Variants in THSD4 observed in about 807,000 individuals in gnomAD.
THSD4 encodes the protein thrombospondin type-1 domain-containing protein 4.
THSD4 carries 69 observed loss-of-function variants against 119.0 expected under a neutral mutation model. That is an observed-to-expected ratio of 0.58 (90% CI 0.48 to 0.71). The LOEUF (loss-of-function observed/expected upper bound fraction) is 0.71. Ranked by LOEUF, THSD4 falls within the 30% of genes least tolerant of loss-of-function variation. The pLI, the probability that THSD4 is intolerant of heterozygous loss-of-function variation, is 0.00. For missense variants in THSD4, 1,393 were observed against 1,391.1 expected, an observed-to-expected ratio of 1.00 and a Z score of -0.02; for synonymous variants, 524 against 540.4, an observed-to-expected ratio of 0.97 and a Z score of 0.42.
chr15:71,379,072 C>T (rs76729894), intron 6 of THSD4, among the ~76,000 whole-genome samples: 7,541 of 152,282 alleles, frequency 0.05, 216 homozygotes, highest in African/African-American at 0.079. Context: ...GCATGAGCCA[C>T]CATGCCCGGC....
intron 4 of THSD4, among the ~76,000 whole-genome samples, chr15:71,230,410 T>C (rs1038879053): frequency 2.8e-4 from 43 of 152,212 alleles, no homozygotes; most frequent in African/African-American, 9.6e-4. Flanking sequence ...TTCGCACATA[T>C]CACATTGGAG....
chr15:71,705,000 A>G (rs150984611), intron 8 of THSD4, among the ~76,000 whole-genome samples: 1 of 152,340 alleles, frequency 6.6e-6, no homozygotes, highest in African/African-American at 2.4e-5. Flanking sequence ...ATATGAAGTG[A>G]TCAAGGGTGG....
intron 8 of THSD4, among the ~76,000 whole-genome samples, chr15:71,671,741 A>G (rs2141014728): frequency 6.6e-6 from 1 of 152,298 alleles, no homozygotes; most frequent in South Asian, 2.1e-4. Flanking sequence ...TAAATAGGGA[A>G]TCCTTTCCCC....
At chr15:71,685,000 G>A (rs1324866012) in intron 8 of THSD4, among the ~76,000 whole-genome samples, 1 of 152,128 alleles carries the variant, frequency 6.6e-6, no homozygotes, top group Non-Finnish European at 1.5e-5. Context: ...AATTTCAAAT[G>A]TAGTATAGAA....
chr15:71,728,498 C>T (rs772093755), intron 8 of THSD4, 51 bp from the exon 9 acceptor site: 5 of 1,596,202 alleles, frequency 3.1e-6, no homozygotes, highest in Non-Finnish European at 4.3e-6. Context: ...AGTTCTGTTT[C>T]TTGTGCACAC....
chr15:71,278,917 G>A (rs143294348), intron 6 of THSD4, among the ~76,000 whole-genome samples: 2 of 152,290 alleles, frequency 1.3e-5, no homozygotes, highest in African/African-American at 2.4e-5. Flanking sequence ...GCTGAGTTGA[G>A]TTTTGTCCAG....
chr15:71,733,476 GAA>G (rs2053021445), intron 10 of THSD4: 1 of 152,204 alleles, frequency 6.6e-6, no homozygotes, highest in Admixed American at 6.5e-5. Flanking sequence ...ACAAGGCACT[GAA>G]AAGACTTCTT....
At chr15:71,633,747 A>C (rs1436858164) in intron 7 of THSD4, among the ~76,000 whole-genome samples, 1 of 152,236 alleles carries the variant, frequency 6.6e-6, no homozygotes, top group Admixed American at 6.5e-5. Flanking sequence ...CTGGCAGTTA[A>C]ATAACAGGAA....
chr15:71,373,012 G>T (rs966765943), intron 6 of THSD4, among the ~76,000 whole-genome samples: 1 of 152,116 alleles, frequency 6.6e-6, no homozygotes, highest in South Asian at 2.1e-4. Context: ...CCTCTTTCTT[G>T]TTATCTCTTT....
chr15:71,102,815 C>A (rs909407296), intron 1 of THSD4, among the ~76,000 whole-genome samples: 3 of 152,202 alleles, frequency 2.0e-5, no homozygotes, highest in African/African-American at 7.2e-5. Context: ...ATCCACTTGC[C>A]TTGGCCTCCC....
intron 7 of THSD4, among the ~76,000 whole-genome samples, chr15:71,579,811 G>C (rs183831796): frequency 6.6e-6 from 1 of 152,212 alleles, no homozygotes; most frequent in East Asian, 1.9e-4. Context: ...CCTAGCTGGT[G>C]ACCAAACCTG....
At chr15:71,348,352 A>T (rs2045696149) in intron 6 of THSD4, 1 of 152,208 alleles carries the variant, frequency 6.6e-6, no homozygotes, top group African/African-American at 2.4e-5. Flanking sequence ...ACCTCAATTG[A>T]TGCTGTTGTT....
At chr15:71,111,744 G>C (rs2040306815), upstream of THSD4, 2 of 522,384 alleles carry the variant, frequency 3.8e-6, no homozygotes, top group African/African-American at 3.8e-5. Context: ...CCAAATGCTA[G>C]CAACGTAGGG....
intron 8 of THSD4, among the ~76,000 whole-genome samples, chr15:71,715,960 A>G (rs908377947): frequency 6.6e-6 from 1 of 152,220 alleles, no homozygotes; most frequent in East Asian, 1.9e-4. Flanking sequence ...TGTGGCTGCC[A>G]TAACAAGATA....
intron 7 of THSD4, among the ~76,000 whole-genome samples, chr15:71,470,632 A>ATT (rs1179703976): frequency 5.1e-4 from 75 of 146,030 alleles, no homozygotes; most frequent in African/African-American, 1.3e-3. Flanking sequence ...GGATTTTATT[A>ATT]TTTTTTTTTT....
At chr15:71,672,082 G>A (rs1442411730) in intron 8 of THSD4, among the ~76,000 whole-genome samples, 4 of 152,120 alleles carry the variant, frequency 2.6e-5, no homozygotes, top group Non-Finnish European at 5.9e-5. Flanking sequence ...GGGCAGTATG[G>A]CCATTTTCAC....
intron 6 of THSD4, among the ~76,000 whole-genome samples, chr15:71,394,085 T>TTTG (rs1276701372): frequency 6.6e-6 from 1 of 151,722 alleles, no homozygotes; most frequent in African/African-American, 2.4e-5. Flanking sequence ...AATATTTTTT[T>TTTG]TTTTTTACCA....
chr15:71,130,121 GTGAACAC>G (rs1178466118), intron 1 of THSD4, among the ~76,000 whole-genome samples: 1 of 152,232 alleles, frequency 6.6e-6, no homozygotes, highest in Non-Finnish European at 1.5e-5. Context: ...CCAGGTAAAT[GTGAACAC>G]AGGCAACTCT....
chr15:71,338,482 T>C (rs1233074780), intron 6 of THSD4, among the ~76,000 whole-genome samples: 1 of 152,168 alleles, frequency 6.6e-6, no homozygotes, highest in Non-Finnish European at 1.5e-5. Flanking sequence ...GTATGTGAAC[T>C]GTTATAAATT....
Sources: allele counts gnomAD v4.1 joint callset (sites outside exome capture counted in the v4.1 genomes callset), GRCh38; gene constraint gnomAD v4.1.1; transcripts MANE v1.5; gene names NCBI Gene and HGNC (gene_info 2026-07-23, HGNC 2026-07-21).